Variants in VWA5B1 observed in about 807,000 individuals in gnomAD.
VWA5B1 encodes von Willebrand factor A domain-containing protein 5B1.
A neutral mutation model predicts 118.2 loss-of-function variants in VWA5B1; 115 were observed. That is an observed-to-expected ratio of 0.97 (90% CI 0.84 to 1.14). The LOEUF is 1.14. Among genes scored for constraint, VWA5B1 ranks in the 50% most tolerant of loss-of-function variants. VWA5B1 has a pLI of 0.00. For missense variants in VWA5B1, 1,596 were observed against 1,603.8 expected (o/e 1.00, Z 0.08); for synonymous variants, 682 against 658.4 (o/e 1.04, Z -0.55).
At chr1:20,343,653 C>A in intron 16 of VWA5B1, among the ~76,000 whole-genome samples, 1 of 127,562 alleles carries the variant, frequency 7.8e-6, no homozygotes, top group Non-Finnish European at 1.7e-5. Flanking sequence ...TGCCTAGTGC[C>A]CCGCACACCC....
chr1:20,321,613 T>C (rs1308018306), intron 7 of VWA5B1, among the ~76,000 whole-genome samples: 2 of 151,904 alleles, frequency 1.3e-5, no homozygotes, highest in Non-Finnish European at 2.9e-5. Flanking sequence ...AGCAAATCAA[T>C]GAGCCAGATC....
intron 21 of VWA5B1, among the ~76,000 whole-genome samples, chr1:20,353,548 G>A (rs2090170503): frequency 6.6e-6 from 1 of 152,188 alleles, no homozygotes; most frequent in African/African-American, 2.4e-5. Flanking sequence ...AGGCAAATAT[G>A]GAGTGAAGAT....
In VWA5B1 at chr1:20,343,119, C is replaced by T. The variant is rs765103682; in HGVS notation, c.2352C>T (p.Ser784=). ...HHPSAFETET[S]SDWDPPAESQ... is the part of the protein sequence containing the mutation. ...CCTCTGCCTTCGAGACAGAGACGTCCTCGGACTGGGACCCCCCAGCCGAGT... is the reference window on the plus strand; with the variant it reads ...CCTCTGCCTTCGAGACAGAGACGTCTTCGGACTGGGACCCCCCAGCCGAGT... Residue 784 remains serine (S), a synonymous_variant, in exon 16 of 22, where the codon TCC becomes TCT. Coordinates refer to ENST00000289815, the MANE Select transcript of VWA5B1 (RefSeq NM_001039500.3). The T allele has an allele frequency of 5.8e-6, 9 of 1,539,842 alleles. No individual in the cohort carries two copies. Among genetic ancestry groups the T allele is most frequent in the South Asian group, 1.2e-5 (1 of 83,586 alleles).
chr1:20,308,279 T>C (rs1177333893), intron 1 of VWA5B1, among the ~76,000 whole-genome samples: 1 of 151,964 alleles, frequency 6.6e-6, no homozygotes, highest in Non-Finnish European at 1.5e-5. Context: ...TGTTATCAGA[T>C]GAGATGTCCC....
At chr1:20,327,664 ATGG>A (rs112567851) in intron 8 of VWA5B1, among the ~76,000 whole-genome samples, 2,597 of 144,854 alleles carry the variant, frequency 0.018, 74 homozygotes, top group South Asian at 0.095. Flanking sequence ...GATGATGATG[ATGG>A]TGGTGGTGGT....
At position 20,354,011 on chromosome 1, in the gene VWA5B1, G is replaced by A; in HGVS notation, c.3396G>A (p.Val1132=). 1 of 1,551,730 alleles carries A rather than the reference G, an allele frequency of 6.4e-7. No homozygotes were observed. Among genetic ancestry groups the A allele is most frequent in the South Asian group, 1.2e-5 (1 of 84,056 alleles). ...KGKLGLEPRA[V]VEHTGKLWAT... is the part of the protein sequence containing the mutation. ...AGCTGGGCCTGGAGCCGAGGGCAGT[G>A]GTGGAGCACACTGGGAAGCTGTGGG... The change falls in exon 22 of 22, where the codon GTG becomes GTA. Residue 1132 remains valine (V), a synonymous_variant. Transcript: ENST00000289815.
intron 7 of VWA5B1, among the ~76,000 whole-genome samples, chr1:20,322,219 G>A (rs1482158276): frequency 6.6e-6 from 1 of 152,192 alleles, no homozygotes; most frequent in Non-Finnish European, 1.5e-5. Flanking sequence ...CGTTTGGTTT[G>A]AACAACTGGG....
chr1:20,346,665 T>A (rs1439729736), intron 17 of VWA5B1, among the ~76,000 whole-genome samples: 2 of 152,240 alleles, frequency 1.3e-5, no homozygotes, highest in Non-Finnish European at 2.9e-5. Context: ...CTTTCTAAAC[T>A]CTGCCAGTCT....
At chr1:20,325,428 G>A (rs577221538) in intron 8 of VWA5B1, among the ~76,000 whole-genome samples, 2 of 152,232 alleles carry the variant, frequency 1.3e-5, no homozygotes, top group East Asian at 1.9e-4. Context: ...ATATCCCTCC[G>A]CTCCCCTCCC....
intron 14 of VWA5B1, among the ~76,000 whole-genome samples, chr1:20,340,388 A>C (rs923037336): frequency 1.3e-5 from 2 of 152,154 alleles, no homozygotes; most frequent in African/African-American, 4.8e-5. Context: ...CCTGGGACTT[A>C]GCAGCCCTGG....
At chr1:20,342,300 A>C in intron 14 of VWA5B1, 132 bp from the exon 15 acceptor site, 41 of 877,542 alleles carry the variant, frequency 4.7e-5, no homozygotes, top group Non-Finnish European at 5.6e-5. Context: ...GCCCCAGGAA[A>C]GAGCTGGTGG....
intron 1 of VWA5B1, among the ~76,000 whole-genome samples, chr1:20,291,328 GCTCT>G (rs1205696173): frequency 7.4e-6 from 1 of 135,528 alleles, no homozygotes; most frequent in Non-Finnish European, 1.5e-5. Context: ...CTCAGGTCCA[GCTCT>G]CTCTCTCTCT....
chr1:20,310,644 C>A lies in VWA5B1; in HGVS notation c.43C>A (p.Leu15Ile), dbSNP rs1026397690. ...TTGGATCACGGGGGCAGCCCTGCCC[C>A]TCACCGCGTCTGATGTTACCTCCTG... ...LNWITGAALPLTASDVTSCVS... is the reference protein window; with the variant it reads ...LNWITGAALPITASDVTSCVS... Residue 15 changes from leucine (L) to isoleucine (I), a missense_variant, in exon 2 of 22, where the codon CTC becomes ATC. By Grantham distance (5) the Leu-to-Ile change is conservative. Coordinates refer to ENST00000289815, the MANE Select transcript of VWA5B1 (RefSeq NM_001039500.3). The A allele has an allele frequency of 6.4e-7, 1 of 1,550,558 alleles. No homozygotes were observed. The highest frequency in any genetic ancestry group is 2.0e-5 in the Admixed American group (1 of 50,722).
At chr1:20,315,138 A>C (rs2088966621) in intron 4 of VWA5B1, among the ~76,000 whole-genome samples, 1 of 152,222 alleles carries the variant, frequency 6.6e-6, no homozygotes, top group South Asian at 2.1e-4. Context: ...GGCTTCTCCG[A>C]GGAGTGATGT....
At position 20,319,489 on chromosome 1, in the gene VWA5B1, A is replaced by T; in HGVS notation, c.949A>T (p.Ser317Cys). The T allele has an allele frequency of 6.4e-7, 1 of 1,551,754 alleles. No individual in the cohort carries two copies. Among genetic ancestry groups the T allele is most frequent in the Non-Finnish European group, 8.7e-7 (1 of 1,147,018 alleles). Residue 317 changes from serine to cysteine, a missense_variant, in exon 7 of 22, where the codon AGC becomes TGC. By Grantham distance (112) the Ser-to-Cys change is moderately radical (BLOSUM62 -1). Transcript: ENST00000289815. ...TDFIKGMKKK[S>C]RAERKTEIIR... Reference sequence around the variant, plus strand: ...TTTCATTAAAGGGATGAAGAAGAAGAGCAGAGCAGAGCGGAAGGTGAGGGC... The same window carrying T: ...TTTCATTAAAGGGATGAAGAAGAAGTGCAGAGCAGAGCGGAAGGTGAGGGC...
intron 2 of VWA5B1, among the ~76,000 whole-genome samples, chr1:20,311,348 G>C (rs112856651): frequency 2.0e-5 from 3 of 152,342 alleles, no homozygotes; most frequent in African/African-American, 7.2e-5. Flanking sequence ...AGCCTCACAA[G>C]AGGAGAGGCA....
intron 1 of VWA5B1, among the ~76,000 whole-genome samples, chr1:20,299,958 A>G (rs1427392949): frequency 6.6e-6 from 1 of 152,244 alleles, no homozygotes; most frequent in Admixed American, 6.5e-5. Context: ...GCGTAAGAGC[A>G]GCTGGCTGGC....
Position 20,354,298 on chromosome 1 carries a change from G to C in VWA5B1, c.*35G>C, listed in dbSNP as rs1301186905. The C allele has an allele frequency of 4.1e-6, 6 of 1,452,226 alleles. No homozygotes were observed. Among genetic ancestry groups the C allele is most frequent in the Middle Eastern group, 1.8e-4 (1 of 5,626 alleles). 90.0% of individuals were successfully genotyped at this position (1,452,226 alleles called of 1,614,324 possible). ...GGGGAGGCTGGGTGGAGGGAAGGGT[G>C]GGGAGGAGAGGGATGGGCAGGGCCA... On this transcript the variant is annotated 3_prime_UTR_variant, in exon 22 of 22. Coordinates refer to ENST00000289815, the MANE Select transcript of VWA5B1 (RefSeq NM_001039500.3).
rs1002252194 is a variant in VWA5B1 at position 20,354,637 on chromosome 1, G to A, written c.*374G>A. The A allele has an allele frequency of 3.8e-6, 1 of 262,250 alleles. No individual in the cohort carries two copies. Among genetic ancestry groups the A allele is most frequent in the Admixed American group, 5.1e-5 (1 of 19,622 alleles). The allele number at this position is 262,250 out of a possible 1,614,324, so 16.2% of individuals were successfully genotyped here. A position where few individuals can be genotyped will look rare whatever the true frequency, so the allele number is the denominator to read the frequency against. On this transcript the variant is annotated 3_prime_UTR_variant, in exon 22 of 22. Transcript: ENST00000289815. The stretch of plus-strand genomic sequence containing the variant: ...AGTGGAAGCCTGAGCCCTGTCTGGA[G>A]GTAGACCACGTGGGCACGGAGTGGA...
Sources: gnomAD v4.1 joint callset for allele counts (sites outside exome capture counted in the v4.1 genomes callset) on GRCh38, gnomAD v4.1.1 for gene constraint, MANE v1.5 for transcripts, NCBI Gene and HGNC (gene_info 2026-07-23, HGNC 2026-07-21) for gene names.